The following CIT variants were observed in gnomAD, a reference collection of about 807,000 sequenced individuals.
CIT encodes citron rho-interacting serine/threonine kinase.
In CIT, 79 loss-of-function variants were observed where a neutral mutation model predicts 272.7. The observed-to-expected ratio is 0.29, with a 90% CI of 0.24 to 0.35. The LOEUF (loss-of-function observed/expected upper bound fraction) is 0.35, where lower values mean the gene tolerates loss of function less well. CIT is among the 10% of genes least tolerant of loss of function. The pLI is 1.00. For missense variants in CIT, 1,909 were observed against 2,618.3 expected, an observed-to-expected ratio of 0.73 and a Z score of 5.91; for synonymous variants, 948 against 995.6, an observed-to-expected ratio of 0.95 and a Z score of 0.90.
At chr12:119,702,631 G>A (rs777496290) in intron 41 of CIT, among the ~76,000 whole-genome samples, 1 of 152,044 alleles carries the variant, frequency 6.6e-6, no homozygotes, top group Non-Finnish European at 1.5e-5. Flanking sequence ...AGGTTGCAGT[G>A]GGCTGAGATA....
At chr12:119,707,511 G>C (rs926580571) in intron 40 of CIT, among the ~76,000 whole-genome samples, 3 of 150,812 alleles carry the variant, frequency 2.0e-5, no homozygotes, top group Admixed American at 2.0e-4. Flanking sequence ...AACCACAAAG[G>C]CCATTGCAAT....
In CIT at chr12:119,869,026, G is replaced by A. The variant is rs1296769294; in HGVS notation, c.238+34C>T. ...GCATCTTTCTAGTTTTTCTCTCTCA[G>A]GACAGTTTTCAAGAAAAAGTTCCCC... is the stretch of plus-strand genomic sequence containing the variant. On this transcript the variant is annotated intron_variant, in intron 3 of 47. Transcript: ENST00000392521. The A allele has an allele frequency of 5.6e-6, 9 of 1,607,278 alleles. No homozygotes were observed. The Admixed American group carries it at 8.7e-5, about 16-fold the overall frequency.
intron 5 of CIT, 111 bp from the exon 6 acceptor site, chr12:119,834,339 G>T: frequency 9.8e-7 from 1 of 1,023,384 alleles, no homozygotes; most frequent in Non-Finnish European, 1.4e-6. Flanking sequence ...TCTCCACAAA[G>T]CAAAGAAGAT....
intron 5 of CIT, among the ~76,000 whole-genome samples, chr12:119,835,480 T>A (rs979574524): frequency 2.0e-5 from 3 of 152,218 alleles, no homozygotes; most frequent in Non-Finnish European, 4.4e-5. Flanking sequence ...GCTGTAGCCA[T>A]GTTAACCCTT....
chr12:119,712,247 G>A lies in CIT; in HGVS notation c.4785C>T (p.Arg1595=), dbSNP rs111793099. 6.2e-7 allele frequency: 1 copy of A among 1,614,184 alleles called. No individual in the cohort carries two copies. ...LLAPSFPDKQ[R]WVTALESVVA... is the part of the protein sequence containing the mutation. ...CAACTGATTCTAAGGCGGTGACCCA[G>A]CGCTGTTTGTCAGGGAAGCTGGGAG... is the stretch of plus-strand genomic sequence containing the variant. Residue 1595 remains arginine, a synonymous_variant, in exon 37 of 48, where the codon CGC becomes CGT. Coordinates refer to ENST00000392521, the MANE Select transcript of CIT (RefSeq NM_001206999.2). The surrounding 1 kb of genome is among the most constrained non-coding windows in gnomAD (Gnocchi z 5.2).
intron 9 of CIT, among the ~76,000 whole-genome samples, chr12:119,813,940 G>A (rs1966908012): frequency 6.6e-6 from 1 of 152,044 alleles, no homozygotes; most frequent in Admixed American, 6.6e-5. Context: ...ATGCGACTGG[G>A]GCTCTTGTAA....
chr12:119,790,206 ATACATAT>A (rs1397191677), intron 10 of CIT, among the ~76,000 whole-genome samples: 1 of 152,084 alleles, frequency 6.6e-6, no homozygotes, highest in South Asian at 2.1e-4. Flanking sequence ...ATAATATTAC[ATACATAT>A]TATCACATAT....
At chr12:119,734,475 T>G in intron 25 of CIT, 118 bp from the exon 26 acceptor site, 5 of 1,124,438 alleles carry the variant, frequency 4.4e-6, no homozygotes, top group African/African-American at 1.5e-5. Context: ...GAAATGCGGT[T>G]TGTCTTTTGC....
At chr12:119,823,687 T>C (rs559192583) in intron 8 of CIT, among the ~76,000 whole-genome samples, 2 of 152,238 alleles carry the variant, frequency 1.3e-5, no homozygotes, top group East Asian at 1.9e-4. Context: ...ATCTAGGAAA[T>C]ACGTTCCTTT....
intron 10 of CIT, among the ~76,000 whole-genome samples, chr12:119,785,502 GA>G: frequency 6.6e-6 from 1 of 152,110 alleles, no homozygotes; most frequent in Non-Finnish European, 1.5e-5. Flanking sequence ...TTCTGCCCTA[GA>G]GCCTCCAGAG....
At chr12:119,836,724 G>A (rs943171421) in intron 5 of CIT, among the ~76,000 whole-genome samples, 9 of 152,136 alleles carry the variant, frequency 5.9e-5, no homozygotes, top group African/African-American at 2.2e-4. Context: ...TGGCTTGTAA[G>A]TTTAAGGCTG....
chr12:119,697,954 C>A lies in CIT; in HGVS notation c.5702+22G>T, dbSNP rs145997090. The stretch of plus-strand genomic sequence containing the variant: ...CTACCCCAATAGCTGAAGTTTTCCA[C>A]GCATGGGAGGACAATGCTTACCCTG... On this transcript the variant is annotated intron_variant, in intron 45 of 47. Transcript: ENST00000392521. This position sits in a 1 kb window ranked among gnomAD's most constrained non-coding sequence, Gnocchi z 4.9. 4 of 1,613,762 alleles carry A rather than the reference C, an allele frequency of 2.5e-6. No homozygotes were observed. The African/African-American group carries it at 5.3e-5, about 22-fold the overall frequency.
chr12:119,714,818 C>A (rs963114094), intron 32 of CIT, among the ~76,000 whole-genome samples: 1 of 152,226 alleles, frequency 6.6e-6, no homozygotes, highest in Non-Finnish European at 1.5e-5. Context: ...CCCAGCAATT[C>A]CGCTCCTGGC....
intron 5 of CIT, among the ~76,000 whole-genome samples, chr12:119,836,454 C>T (rs1969025854): frequency 6.6e-6 from 1 of 152,074 alleles, no homozygotes; most frequent in African/African-American, 2.4e-5. Context: ...GTAGCTCACC[C>T]ACTCATCCCA....
intron 10 of CIT, 102 bp from the exon 11 acceptor site, chr12:119,785,167 C>T: frequency 7.9e-7 from 1 of 1,262,984 alleles, no homozygotes; most frequent in Non-Finnish European, 1.1e-6. Flanking sequence ...ACATCTCATG[C>T]TCTTGATGTT....
At position 119,686,831 on chromosome 12, in the gene CIT, C is replaced by T. The variant is rs1009510763; in HGVS notation, c.*1401G>A. 6.6e-6 allele frequency: 1 copy of T among 152,670 alleles called. No homozygotes were observed. Among genetic ancestry groups the T allele is most frequent in the Non-Finnish European group, 1.5e-5 (1 of 68,080 alleles). 9.5% of individuals were successfully genotyped at this position (152,670 alleles called of 1,614,324 possible). ...GAGGGTCCGCAGACCCAGTGGGAGC[C>T]GCACTGCACCTAAGGACTTCCCAAC... On this transcript the variant is annotated 3_prime_UTR_variant, in exon 48 of 48. Coordinates refer to ENST00000392521, the MANE Select transcript of CIT (RefSeq NM_001206999.2).
Position 119,733,903 on chromosome 12 carries a change from C to T in CIT, c.3350+261G>A, listed in dbSNP as rs574337901. On this transcript the variant is annotated intron_variant, in intron 26 of 47. Coordinates refer to ENST00000392521, the MANE Select transcript of CIT (RefSeq NM_001206999.2). Reference sequence around the variant, plus strand: ...TCTGCACAGAAAACAGAGGTATTTGCCCTGATGCCCAGGCCTCTGCATGGG... The same window carrying T: ...TCTGCACAGAAAACAGAGGTATTTGTCCTGATGCCCAGGCCTCTGCATGGG... 1.1e-4 allele frequency among the ~76,000 whole-genome samples: 16 copies of T among 152,228 alleles called. 1 individual carries two copies. In the East Asian group the frequency reaches 2.7e-3, roughly 26 times the overall value.
chr12:119,874,217 G>A (rs948978812), intron 2 of CIT, among the ~76,000 whole-genome samples: 1 of 152,020 alleles, frequency 6.6e-6, no homozygotes, highest in African/African-American at 2.4e-5. Flanking sequence ...ACAGGTACAT[G>A]CGACCACCAT....
chr12:119,778,059 C>T (rs549971168), intron 13 of CIT, among the ~76,000 whole-genome samples: 5 of 152,208 alleles, frequency 3.3e-5, no homozygotes, highest in South Asian at 4.1e-4. Flanking sequence ...GAATGATGAC[C>T]GTAACATCAC....
Sources: allele counts gnomAD v4.1 joint callset (sites outside exome capture counted in the v4.1 genomes callset), GRCh38; gene constraint gnomAD v4.1.1; non-coding constraint Gnocchi (gnomAD v3.1); transcripts MANE v1.5; gene names NCBI Gene and HGNC (gene_info 2026-07-23, HGNC 2026-07-21).